The following MRPL37 variants were observed in gnomAD, a reference collection of about 807,000 sequenced individuals.
The protein encoded by MRPL37 is large ribosomal subunit protein mL37.
MRPL37 carries 34 observed loss-of-function variants against 44.1 expected under a neutral mutation model. The ratio of observed to expected loss-of-function variants is 0.77; its 90% CI spans 0.59 to 1.03. The LOEUF is 1.03. Among genes scored for constraint, MRPL37 ranks in the 50% least tolerant of loss-of-function variants. MRPL37 has a pLI of 0.00. For synonymous variants in MRPL37, 212 were observed against 219.5 expected, an observed-to-expected ratio of 0.97 and a Z score of 0.30; for missense variants, 532 against 543.7, an observed-to-expected ratio of 0.98 and a Z score of 0.21.
At chr1:54,204,960 C>A in intron 1 of MRPL37, 58 bp from the exon 2 acceptor site, 1 of 1,562,642 alleles carries the variant, frequency 6.4e-7, no homozygotes. Context: ...CAGGTGTAAG[C>A]ATCTCTTCCT....
chr1:54,216,425 G>T lies in MRPL37; in HGVS notation c.1194+81G>T. 2.0e-6 allele frequency: 3 copies of T among 1,509,498 alleles called. No homozygotes were observed. In the South Asian group the frequency reaches 3.6e-5, roughly 18 times the overall value. The allele number at this position is 1,509,498 out of a possible 1,614,324, so 93.5% of individuals were successfully genotyped here. On this transcript the variant is annotated intron_variant, in intron 6 of 6. Transcript: ENST00000360840. The stretch of plus-strand genomic sequence containing the variant: ...TGTGAGCCTCAGGTGGGATTGCTGG[G>T]GTGCTCTGTGAGGAGAGCCCTGGCC...
Position 54,210,107 on chromosome 1 carries a change from A to G in MRPL37, c.808A>G (p.Ile270Val), listed in dbSNP as rs1644153653. Residue 270 changes from isoleucine to valine, a missense_variant, in exon 4 of 7, where the codon ATT becomes GTT. By Grantham distance (29) the Ile-to-Val change is conservative (BLOSUM62 3). Coordinates refer to ENST00000360840, the MANE Select transcript of MRPL37 (RefSeq NM_016491.4). ...CATCATCGATCTTCATGAATGCAAT[A>G]TTTATGATGTGAAAAATGACACAGG... is the stretch of plus-strand genomic sequence containing the variant. ...SPIIDLHECN[I>V]YDVKNDTGFQ... The G allele has an allele frequency of 6.2e-7, 1 of 1,613,980 alleles. No homozygotes were observed. The highest frequency in any genetic ancestry group is 8.5e-7 in the Non-Finnish European group (1 of 1,179,994).
At chr1:54,222,036 T>G (rs979867444), downstream of MRPL37, among the ~76,000 whole-genome samples, 1 of 152,172 alleles carries the variant, frequency 6.6e-6, no homozygotes, top group African/African-American at 2.4e-5. Flanking sequence ...CACCCACAGG[T>G]GACAGCTTGC....
downstream of MRPL37, chr1:54,220,638 ATG>A (rs766500610): frequency 4.0e-5 from 19 of 471,688 alleles, no homozygotes; most frequent in South Asian, 2.9e-4. Flanking sequence ...CAAATCCCAA[ATG>A]TCTACCAGCT....
chr1:54,223,646 C>G (rs1250817196), downstream of MRPL37, among the ~76,000 whole-genome samples: 1 of 152,220 alleles, frequency 6.6e-6, no homozygotes, highest in Non-Finnish European at 1.5e-5. Context: ...GGTCCTACCT[C>G]TGGCCCCCCA....
rs1236781825 is a variant in MRPL37 at position 54,200,249 on chromosome 1, A to G, written c.6A>G (p.Ala2=). 6.3e-7 allele frequency: 1 copy of G among 1,586,172 alleles called. No individual in the cohort carries two copies. The highest frequency in any genetic ancestry group is 2.2e-5 in the East Asian group (1 of 44,648). Residue 2 remains alanine (A), a synonymous_variant, in exon 1 of 7, where the codon GCA becomes GCG. Coordinates refer to ENST00000360840, the MANE Select transcript of MRPL37 (RefSeq NM_016491.4). ...CTTGAGGCTATCAGATCGGTATGGC[A>G]TTGGCGTCCGGGCCCGCAAGGCGGG... M[A]LASGPARRAL...
intron 3 of MRPL37, among the ~76,000 whole-genome samples, chr1:54,206,616 G>A (rs566017511): frequency 2.6e-5 from 4 of 152,176 alleles, no homozygotes; most frequent in Non-Finnish European, 5.9e-5. Context: ...CACCATGTTG[G>A]CCAGGCTGGT....
chr1:54,221,513 A>AG (rs562166573), downstream of MRPL37, among the ~76,000 whole-genome samples: 35 of 152,248 alleles, frequency 2.3e-4, 1 homozygote, highest in East Asian at 3.9e-3. Context: ...AACTGCATCC[A>AG]GGGGGGCGTG....
In MRPL37 at chr1:54,205,300, T is replaced by G. The variant is rs767788408; in HGVS notation, c.536T>G (p.Val179Gly). ...TGTCTCTTTTTGTCTTCAAGCCCGGTCATCGTGGACAACCTAATACAGCTG... is the reference window on the plus strand; with the variant it reads ...TGTCTCTTTTTGTCTTCAAGCCCGGGCATCGTGGACAACCTAATACAGCTG... ...EIPKRETYCPVIVDNLIQLCK... is the reference protein window; with the variant it reads ...EIPKRETYCPGIVDNLIQLCK... Residue 179 changes from valine to glycine, a missense_variant, in exon 3 of 7, where the codon GTC becomes GGC. Transcript: ENST00000360840. 3.1e-6 allele frequency: 5 copies of G among 1,612,610 alleles called. No homozygotes were observed. The African/African-American group carries it at 5.3e-5, about 17-fold the overall frequency.
intron 3 of MRPL37, among the ~76,000 whole-genome samples, chr1:54,206,901 ATT>A (rs373630761): frequency 6.3e-4 from 32 of 50,662 alleles, no homozygotes; most frequent in South Asian, 2.1e-3. Flanking sequence ...TGCCCAGCTA[ATT>A]TTTGTGTGTG....
At chr1:54,207,276 C>G (rs1188622742) in intron 3 of MRPL37, 1 of 152,216 alleles carries the variant, frequency 6.6e-6, no homozygotes, top group African/African-American at 2.4e-5. Context: ...CTCACATTGT[C>G]CACAGTGTCT....
chr1:54,223,300 C>T (rs376229442), downstream of MRPL37, among the ~76,000 whole-genome samples: 26 of 152,356 alleles, frequency 1.7e-4, no homozygotes, highest in South Asian at 8.3e-4. Flanking sequence ...ATGGCCTGAA[C>T]CCCAAGAGGC....
chr1:54,218,498 T>C, downstream of MRPL37: 1 of 856,552 alleles, frequency 1.2e-6, no homozygotes, highest in Non-Finnish European at 1.7e-6. Flanking sequence ...GTTGTGATCT[T>C]AGATAAGGAT....
downstream of MRPL37, among the ~76,000 whole-genome samples, chr1:54,223,051 G>A (rs1002167673): frequency 1.3e-5 from 2 of 152,220 alleles, no homozygotes; most frequent in African/African-American, 4.8e-5. Flanking sequence ...GGGCATGGCT[G>A]AATTCCAGAA....
Position 54,200,446 on chromosome 1 carries a change from C to T in MRPL37, c.203C>T (p.Pro68Leu). The T allele has an allele frequency of 6.2e-7, 1 of 1,614,244 alleles. No homozygotes were observed. Among genetic ancestry groups the T allele is most frequent in the Middle Eastern group, 1.6e-4 (1 of 6,062 alleles). The change falls in exon 1 of 7, where the codon CCC becomes CTC. Residue 68 changes from proline to leucine, a missense_variant. Physicochemically the swap from Pro to Leu is moderately conservative, Grantham distance 98. Transcript: ENST00000360840. Reference protein sequence around the residue: ...ITFAGKMHFVPWLARPIFPPW... With the variant: ...ITFAGKMHFVLWLARPIFPPW... ...TTTGCGGGGAAGATGCACTTCGTGC[C>T]CTGGCTGGCGCGGCCGATCTTTCCG...
chr1:54,211,180 G>C (rs1324444629), intron 4 of MRPL37, among the ~76,000 whole-genome samples: 1 of 151,964 alleles, frequency 6.6e-6, no homozygotes, highest in Non-Finnish European at 1.5e-5. Flanking sequence ...AAATGCTTTG[G>C]GATCTTCCAG....
In MRPL37 at chr1:54,213,571, T is replaced by A. The variant is rs557760351; in HGVS notation, c.990+913T>A. On this transcript the variant is annotated intron_variant, in intron 5 of 6. Coordinates refer to ENST00000360840, the MANE Select transcript of MRPL37 (RefSeq NM_016491.4). ...TTAGGGTTTTTATTAAAAAAAAAAA[T>A]CAGTGGTTCGTTCGTAAAATATAGT... 3.1e-3 allele frequency among the ~76,000 whole-genome samples: 477 copies of A among 151,826 alleles called. 10 individuals carry two copies. The highest frequency in any genetic ancestry group is 3.7e-4 in the Non-Finnish European group (25 of 67,936).
intron 1 of MRPL37, among the ~76,000 whole-genome samples, chr1:54,203,651 T>A (rs1644100388): frequency 3.9e-5 from 6 of 151,940 alleles, no homozygotes; most frequent in Admixed American, 3.9e-4. Flanking sequence ...TTTTTTTGTA[T>A]TTTTAGTAGA....
rs755799921 is a variant in MRPL37 at position 54,200,374 on chromosome 1, C to T, written c.131C>T (p.Pro44Leu). The change falls in exon 1 of 7, where the codon CCT (proline) becomes CTT (leucine). Residue 44 changes from proline to leucine, a missense_variant. Transcript: ENST00000360840. ...GVRSTRKSEP[P>L]PLDRVYEIPG... ...CGCTCCACGCGGAAGTCGGAGCCTC[C>T]TCCCCTGGATAGGGTGTACGAGATC... The T allele has an allele frequency of 3.1e-6, 5 of 1,614,196 alleles. No individual in the cohort carries two copies. Among genetic ancestry groups the T allele is most frequent in the Non-Finnish European group, 2.5e-6 (3 of 1,180,028 alleles).
Sources: gnomAD v4.1 joint callset for allele counts (sites outside exome capture counted in the v4.1 genomes callset) on GRCh38, gnomAD v4.1.1 for gene constraint, MANE v1.5 for transcripts, NCBI Gene and HGNC (gene_info 2026-07-23, HGNC 2026-07-21) for gene names.